Variants in CECR2 observed in about 807,000 individuals in gnomAD.
The protein encoded by CECR2 is chromatin remodeling regulator CECR2.
In CECR2, 30 loss-of-function variants were observed where a neutral mutation model predicts 154.5. The observed-to-expected ratio is 0.19, with a 90% CI of 0.15 to 0.26. The LOEUF is 0.26. Ranked by LOEUF, CECR2 falls within the 10% of genes least tolerant of loss-of-function variation. The pLI, the probability that CECR2 is intolerant of heterozygous loss-of-function variation, is 1.00. For missense variants in CECR2, 1,743 were observed against 1,829.3 expected (o/e 0.95, Z 0.86); for synonymous variants, 725 against 683.7 (o/e 1.06, Z -0.94).
chr22:17,464,557 C>T (rs5992717), intron 1 of CECR2, among the ~76,000 whole-genome samples: 2,129 of 152,172 alleles, frequency 0.014, 56 homozygotes, highest in African/African-American at 0.049. Flanking sequence ...TGGAGTACAG[C>T]GGCATGCTCA....
intron 1 of CECR2, among the ~76,000 whole-genome samples, chr22:17,385,971 G>A (rs895218219): frequency 2.0e-5 from 3 of 152,200 alleles, no homozygotes; most frequent in African/African-American, 4.8e-5. Context: ...TTTTGGCTGC[G>A]AATGATGGAA....
intron 1 of CECR2, among the ~76,000 whole-genome samples, chr22:17,470,214 G>C (rs1035867332): frequency 6.6e-6 from 1 of 151,988 alleles, no homozygotes; most frequent in Non-Finnish European, 1.5e-5. Context: ...GAGGCAGGCA[G>C]ATCATTTGAG....
intron 8 of CECR2, among the ~76,000 whole-genome samples, chr22:17,513,175 A>AC (rs901588587): frequency 1.1e-4 from 17 of 152,174 alleles, no homozygotes; most frequent in African/African-American, 4.1e-4. Flanking sequence ...ACATAGCAAG[A>AC]CCCCACCTCT....
intron 1 of CECR2, among the ~76,000 whole-genome samples, chr22:17,453,271 G>A (rs927773796): frequency 6.6e-6 from 1 of 152,082 alleles, no homozygotes; most frequent in Non-Finnish European, 1.5e-5. Context: ...GAGAAACCCC[G>A]TCTCTGCTAA....
In CECR2 at chr22:17,551,173, C is replaced by T. The variant is rs2056702708; in HGVS notation, c.4278-858C>T. 3.3e-5 allele frequency among the ~76,000 whole-genome samples: 5 copies of T among 152,172 alleles called. No homozygotes were observed. In the South Asian group the frequency reaches 1.0e-3, roughly 32 times the overall value. On this transcript the variant is annotated intron_variant, in intron 17 of 18. Transcript: ENST00000262608. The stretch of plus-strand genomic sequence containing the variant: ...CATCATGGCCCTTAACCCCTCAATA[C>T]TTGAGCATGCATCTCCTAAGAATGG...
intron 1 of CECR2, among the ~76,000 whole-genome samples, chr22:17,446,198 T>C (rs1601370687): frequency 6.6e-6 from 1 of 152,246 alleles, no homozygotes; most frequent in East Asian, 1.9e-4. Context: ...GAGCAGTAGT[T>C]GTTTTATTTT....
At position 17,469,915 on chromosome 22, in the gene CECR2, C is replaced by A. The variant is rs5747191; in HGVS notation, c.127-7673C>A. 3.2e-3 allele frequency among the ~76,000 whole-genome samples: 483 copies of A among 152,242 alleles called. 4 individuals carry two copies. The highest frequency in any genetic ancestry group is 0.011 in the African/African-American group (465 of 41,556). On this transcript the variant is annotated intron_variant, in intron 1 of 18. Coordinates refer to ENST00000262608, the MANE Select transcript of CECR2 (RefSeq NM_001290047.2). ...ATGGAAAAGGTTACTGGTTTTTTGC[C>A]TGTCCTCCCTCCTAGATCTTTGCTA...
chr22:17,401,571 G>A (rs1334407042), intron 1 of CECR2, among the ~76,000 whole-genome samples: 1 of 151,660 alleles, frequency 6.6e-6, no homozygotes, highest in African/African-American at 2.4e-5. Flanking sequence ...TGAGATATAC[G>A]CTCTTTTGAT....
chr22:17,423,194 T>C (rs1006985510), intron 1 of CECR2, among the ~76,000 whole-genome samples: 4 of 152,122 alleles, frequency 2.6e-5, no homozygotes, highest in African/African-American at 9.7e-5. Context: ...TCTCAGCCTT[T>C]TAGTGAGCAC....
At chr22:17,434,642 G>T (rs1309119042) in intron 1 of CECR2, among the ~76,000 whole-genome samples, 1 of 139,758 alleles carries the variant, frequency 7.2e-6, no homozygotes, top group Non-Finnish European at 1.5e-5. Flanking sequence ...TTTTATGCCC[G>T]CACCCCCCCT....
intron 9 of CECR2, among the ~76,000 whole-genome samples, chr22:17,528,417 G>A (rs1212377944): frequency 6.6e-6 from 1 of 152,246 alleles, no homozygotes; most frequent in South Asian, 2.1e-4. Context: ...GGGAACGATA[G>A]TGGAGGGTTG....
chr22:17,552,144 T>G lies in CECR2; in HGVS notation c.4389+2T>G. On this transcript the variant is annotated splice_donor_variant, in intron 18 of 18. Transcript: ENST00000262608. LOFTEE classifies it high-confidence loss of function. ...CCTCCAACACTTCCCCTGGATCAGG[T>G]AAGGATCACTAAAAATTAGAGCTGT... The G allele has an allele frequency of 6.2e-7, 1 of 1,611,970 alleles. No individual in the cohort carries two copies. Among genetic ancestry groups the G allele is most frequent in the Non-Finnish European group, 8.5e-7 (1 of 1,178,134 alleles).
chr22:17,382,862 A>C (rs2063215045), intron 1 of CECR2, among the ~76,000 whole-genome samples: 1 of 152,068 alleles, frequency 6.6e-6, no homozygotes, highest in African/African-American at 2.4e-5. Flanking sequence ...AGTTTGCAAC[A>C]CTGCACTCCC....
At chr22:17,434,620 AC>A (rs955261206) in intron 1 of CECR2, among the ~76,000 whole-genome samples, 5 of 142,326 alleles carry the variant, frequency 3.5e-5, no homozygotes, top group African/African-American at 1.3e-4. Context: ...ATGGATTAGA[AC>A]CCCCCACTCT....
At chr22:17,513,360 G>A (rs2055994034) in intron 8 of CECR2, among the ~76,000 whole-genome samples, 2 of 152,170 alleles carry the variant, frequency 1.3e-5, no homozygotes, top group Non-Finnish European at 2.9e-5. Context: ...TCTTTGAATT[G>A]TTACGTTACG....
chr22:17,481,505 G>T (rs538687950), intron 2 of CECR2, among the ~76,000 whole-genome samples: 1 of 152,186 alleles, frequency 6.6e-6, no homozygotes, highest in South Asian at 2.1e-4. Flanking sequence ...TCCTCCAAAG[G>T]CTCAGCAGAA....
chr22:17,467,294 G>A (rs1300998914), intron 1 of CECR2, among the ~76,000 whole-genome samples: 1 of 152,172 alleles, frequency 6.6e-6, no homozygotes. Flanking sequence ...AGAAGCCAGT[G>A]AACAATCGGA....
At chr22:17,376,045 A>T (rs951915741) in intron 1 of CECR2, among the ~76,000 whole-genome samples, 1 of 152,150 alleles carries the variant, frequency 6.6e-6, no homozygotes, top group African/African-American at 2.4e-5. Context: ...AAGATTCAGG[A>T]TCTGCACCCT....
chr22:17,549,654 C>A (rs2056675778), intron 17 of CECR2, 90 bp downstream of exon 17: 2 of 1,211,304 alleles, frequency 1.7e-6, no homozygotes, highest in East Asian at 5.1e-5. Flanking sequence ...ACTTTGTCAC[C>A]CAGGCTGGAG....
Sources: gnomAD v4.1 joint callset for allele counts (sites outside exome capture counted in the v4.1 genomes callset) on GRCh38, gnomAD v4.1.1 for gene constraint, MANE v1.5 for transcripts, NCBI Gene and HGNC (gene_info 2026-07-23, HGNC 2026-07-21) for gene names.